The following CENPE variants were observed in gnomAD, a reference collection of about 807,000 sequenced individuals.
The protein encoded by CENPE is centromere protein E, also known as centromere-associated protein E.
A neutral mutation model predicts 336.1 loss-of-function variants in CENPE; 145 were observed. The ratio of observed to expected loss-of-function variants is 0.43; its 90% confidence interval spans 0.38 to 0.50. The LOEUF is 0.50. Ranked by LOEUF, CENPE falls within the 20% of genes least tolerant of loss-of-function variation. The probability of loss-of-function intolerance (pLI) is 0.00; values close to 1 mark genes in which losing one functional copy is unlikely to be tolerated. For missense variants in CENPE, 2,719 were observed against 3,023.3 expected, an observed-to-expected ratio of 0.90 and a Z score of 2.36; for synonymous variants, 1,013 against 984.8, an observed-to-expected ratio of 1.03 and a Z score of -0.54.
At chr4:103,162,674 G>A (rs1277971088) in intron 18 of CENPE, among the ~76,000 whole-genome samples, 1 of 151,494 alleles carries the variant, frequency 6.6e-6, no homozygotes, top group Non-Finnish European at 1.5e-5. Flanking sequence ...CCAGGCTCAA[G>A]CAATCCTGCC....
Position 103,194,328 on chromosome 4 carries a change from T to C in CENPE, c.628-34A>G, listed in dbSNP as rs376367771. Reference sequence around the variant, plus strand: ...AAAAGGCAAGCTGTAGAAAAATTAGTGCATTCTTACTTGGAAAGATCTAAC... The same window carrying C: ...AAAAGGCAAGCTGTAGAAAAATTAGCGCATTCTTACTTGGAAAGATCTAAC... On this transcript the variant is annotated intron_variant, in intron 7 of 48. Coordinates refer to ENST00000265148, the MANE Select transcript of CENPE (RefSeq NM_001813.3). 1.9e-6 allele frequency: 3 copies of C among 1,609,680 alleles called. No homozygotes were observed. The African/African-American group carries it at 4.0e-5, about 22-fold the overall frequency.
At position 103,140,842 on chromosome 4, in the gene CENPE, T is replaced by C. The variant is rs1037379834; in HGVS notation, c.5726A>G (p.Lys1909Arg). The part of the protein sequence containing the change: ...ETLKLERDQL[K>R]ESLQETKARD... ...AGCTTTGGTTTCTTGCAGGCTTTCC[T>C]TGAGTTGGTCTCTCTCCAGTTTGAG... Residue 1909 changes from lysine (K) to arginine (R), a missense_variant, in exon 36 of 49, where the codon AAG (lysine) becomes AGG (arginine). Physicochemically the swap from Lys to Arg is conservative, Grantham distance 26. Transcript: ENST00000265148. 9.4e-6 allele frequency: 15 copies of C among 1,594,910 alleles called. No individual in the cohort carries two copies. Among genetic ancestry groups the C allele is most frequent in the Admixed American group, 7.3e-5 (4 of 54,752 alleles).
At chr4:103,162,986 C>T (rs1260938256) in intron 18 of CENPE, 151 bp downstream of exon 18, 2 of 510,386 alleles carry the variant, frequency 3.9e-6, no homozygotes, top group Non-Finnish European at 3.2e-6. Context: ...CAGTCCCTAT[C>T]TCATAGGGTT....
intron 46 of CENPE, among the ~76,000 whole-genome samples, chr4:103,113,274 G>A (rs1749738649): frequency 7.1e-6 from 1 of 140,616 alleles, no homozygotes; most frequent in East Asian, 2.1e-4. Context: ...ACATATATAT[G>A]TATATATTAG....
intron 25 of CENPE, 89 bp downstream of exon 25, chr4:103,152,958 T>C (rs1261484219): frequency 1.1e-6 from 1 of 907,136 alleles, no homozygotes; most frequent in Non-Finnish European, 1.7e-6. Flanking sequence ...ACATTTATTG[T>C]ATATAAATTA....
intron 48 of CENPE, among the ~76,000 whole-genome samples, chr4:103,108,381 A>G (rs1280295451): frequency 6.6e-6 from 1 of 152,180 alleles, no homozygotes; most frequent in Non-Finnish European, 1.5e-5. Context: ...TAGGGGCTCA[A>G]AACAATTTTA....
At chr4:103,142,851 T>C (rs1013544283) in intron 34 of CENPE, among the ~76,000 whole-genome samples, 1 of 151,650 alleles carries the variant, frequency 6.6e-6, no homozygotes, top group Non-Finnish European at 1.5e-5. Context: ...CTACTAAAAA[T>C]ACAAAAATTA....
intron 43 of CENPE, among the ~76,000 whole-genome samples, chr4:103,121,731 C>CT (rs112526117): frequency 1.0e-3 from 152 of 147,128 alleles, no homozygotes; most frequent in African/African-American, 2.8e-3. Context: ...TAAAAAAACA[C>CT]TTTTTTTTTT....
intron 43 of CENPE, among the ~76,000 whole-genome samples, chr4:103,121,704 G>T (rs946707003): frequency 2.6e-5 from 4 of 151,622 alleles, no homozygotes; most frequent in Non-Finnish European, 5.9e-5. Context: ...GGATGTCACT[G>T]CACCTGGATA....
At position 103,147,586 on chromosome 4, in the gene CENPE, G is replaced by C. The variant is rs751898156; in HGVS notation, c.3904C>G (p.Gln1302Glu). Residue 1302 changes from glutamine to glutamate, a missense_variant, in exon 29 of 49, where the codon CAG becomes GAG. Around this residue, in one of 5 missense-constraint regions of CENPE, gnomAD observed 2,437 missense variants for 2,513.3 expected, o/e 0.97. Transcript: ENST00000265148. ...LPNVKEVSET[Q>E]ETMNELELLT... ...AACTCCAGTTCATTCATTGTTTCCT[G>C]AGTCTCACTGACTTCTTTCACATTA... 7 of 1,613,564 alleles carry C rather than the reference G, an allele frequency of 4.3e-6. No homozygotes were observed. The East Asian group carries it at 1.6e-4, about 36-fold the overall frequency.
rs140130445 is a variant in CENPE at position 103,197,709 on chromosome 4, C to G, written c.56+555G>C. The stretch of plus-strand genomic sequence containing the variant: ...TTACCTACATATCACCACTTAACAT[C>G]CTACATTTTCAACTTTACTTTCTGT... On this transcript the variant is annotated intron_variant, in intron 1 of 48. Transcript: ENST00000265148. Among the ~76,000 whole-genome samples, 35 of 152,318 alleles carry G rather than the reference C, an allele frequency of 2.3e-4. No individual in the cohort carries two copies. The East Asian group carries it at 6.6e-3, about 29-fold the overall frequency.
rs1486647847 is a variant in CENPE at position 103,195,300 on chromosome 4, C to T, written c.358-67G>A. 9.3e-6 allele frequency: 13 copies of T among 1,397,094 alleles called. No individual in the cohort carries two copies. The African/African-American group carries it at 1.8e-4, about 19-fold the overall frequency. 86.5% of individuals were successfully genotyped at this position (1,397,094 alleles called of 1,614,324 possible). ...AATTGTGAAAACCTAATGCTAAATG[C>T]TCATGTGCTTAAAGAGGTAAAATGT... On this transcript the variant is annotated intron_variant, in intron 4 of 48. Transcript: ENST00000265148.
intron 16 of CENPE, among the ~76,000 whole-genome samples, chr4:103,170,646 A>T (rs534801257): frequency 2.0e-5 from 3 of 152,320 alleles, no homozygotes; most frequent in South Asian, 2.1e-4. Flanking sequence ...CTAAAAAACA[A>T]ATAAGAAAAT....
intron 21 of CENPE, among the ~76,000 whole-genome samples, chr4:103,159,771 T>C (rs1754279874): frequency 6.6e-6 from 1 of 151,880 alleles, no homozygotes; most frequent in African/African-American, 2.4e-5. Flanking sequence ...TTAAGAAGTA[T>C]CTTAAGTGGT....
chr4:103,147,824 G>A (rs1753185824), intron 28 of CENPE, among the ~76,000 whole-genome samples, 178 bp from the exon 29 acceptor site: 1 of 152,008 alleles, frequency 6.6e-6, no homozygotes. Context: ...CTCCTGAGTA[G>A]CTGGGATTAC....
chr4:103,112,220 T>C (rs891221756), intron 46 of CENPE, among the ~76,000 whole-genome samples: 1 of 148,542 alleles, frequency 6.7e-6, no homozygotes, highest in Non-Finnish European at 1.5e-5. Flanking sequence ...ATTCTATATA[T>C]TCTGTAAATA....
chr4:103,161,041 A>G, intron 20 of CENPE, 45 bp downstream of exon 20: 1 of 1,451,236 alleles, frequency 6.9e-7, no homozygotes, highest in Non-Finnish European at 9.4e-7. Context: ...GTACATTTCT[A>G]GAAGAAGTCA....
intron 40 of CENPE, among the ~76,000 whole-genome samples, chr4:103,135,525 A>G (rs984107712): frequency 6.6e-6 from 1 of 152,090 alleles, no homozygotes; most frequent in African/African-American, 2.4e-5. Flanking sequence ...AAGCTGCTAA[A>G]TATTTCTTTA....
At chr4:103,163,996 A>G (rs2720468) in intron 16 of CENPE, among the ~76,000 whole-genome samples, 53,124 of 151,922 alleles carry the variant, frequency 0.35, 9,521 homozygotes, top group Middle Eastern at 0.48. Context: ...AGTATCCATC[A>G]GCTCTACATT....
Sources: allele counts gnomAD v4.1 joint callset (sites outside exome capture counted in the v4.1 genomes callset), GRCh38; gene constraint gnomAD v4.1.1; regional missense constraint gnomAD v4.1.1; transcripts MANE v1.5; gene names NCBI Gene and HGNC (gene_info 2026-07-23, HGNC 2026-07-21).